Variants in PCSK5 observed in about 807,000 individuals in gnomAD.
The protein encoded by PCSK5 is proprotein convertase subtilisin/kexin type 5, also known as prohormone convertase 5.
Under a neutral mutation model 233.2 loss-of-function variants are expected in PCSK5, and 129 were observed. That is an observed-to-expected ratio of 0.55 (90% CI 0.48 to 0.64). The LOEUF is 0.64. Ranked by LOEUF, PCSK5 falls within the 30% of genes least tolerant of loss-of-function variation. The pLI, the probability that PCSK5 is intolerant of heterozygous loss-of-function variation, is 0.00. For missense variants in PCSK5, 2,076 were observed against 2,430.1 expected (o/e 0.85, Z 3.06); for synonymous variants, 825 against 879.2 (o/e 0.94, Z 1.09).
intron 7 of PCSK5, among the ~76,000 whole-genome samples, chr9:76,075,873 T>C (rs58996457): frequency 0.12 from 18,337 of 152,202 alleles, 1,712 homozygotes; most frequent in African/African-American, 0.26. Context: ...TTCTATATGC[T>C]GTAGATAAAG....
intron 10 of PCSK5, among the ~76,000 whole-genome samples, chr9:76,142,580 G>A (rs1823270904): frequency 6.6e-6 from 1 of 152,028 alleles, no homozygotes; most frequent in African/African-American, 2.4e-5. Context: ...TTCATAGTAT[G>A]TGCTTAAGTA....
At chr9:76,155,128 A>G (rs10781341) in intron 10 of PCSK5, among the ~76,000 whole-genome samples, 78,184 of 152,022 alleles carry the variant, frequency 0.51, 20,384 homozygotes, top group South Asian at 0.59. Context: ...CCATAGCAAA[A>G]TAGGTTTACT....
chr9:75,971,528 G>A (rs1825815306), intron 2 of PCSK5, among the ~76,000 whole-genome samples: 1 of 152,136 alleles, frequency 6.6e-6, no homozygotes, highest in African/African-American at 2.4e-5. Flanking sequence ...CACAATGGTT[G>A]AACTAATTTA....
At chr9:75,898,339 T>C (rs559316741) in intron 1 of PCSK5, among the ~76,000 whole-genome samples, 11 of 152,338 alleles carry the variant, frequency 7.2e-5, no homozygotes, top group African/African-American at 2.4e-4. Flanking sequence ...GTAGTGCTAA[T>C]GTCAGCTGTT....
At chr9:76,262,895 A>G (rs139249334) in intron 24 of PCSK5, among the ~76,000 whole-genome samples, 1,963 of 151,940 alleles carry the variant, frequency 0.013, 41 homozygotes, top group African/African-American at 0.045. Context: ...AAGGGCTAAT[A>G]TCCAGAATCT....
chr9:76,169,590 C>CTAG, intron 12 of PCSK5, 114 bp from the exon 13 acceptor site: 1 of 841,594 alleles, frequency 1.2e-6, no homozygotes. Context: ...CAGACCAGCT[C>CTAG]TAGTGCCCAG....
chr9:76,223,114 C>T (rs549778590), intron 20 of PCSK5, among the ~76,000 whole-genome samples: 2 of 152,314 alleles, frequency 1.3e-5, no homozygotes, highest in East Asian at 3.9e-4. Flanking sequence ...ACTGAATTCT[C>T]ATCAAATTCC....
intron 32 of PCSK5, among the ~76,000 whole-genome samples, chr9:76,327,470 T>C (rs2803436): frequency 0.043 from 6,603 of 152,316 alleles, 166 homozygotes; most frequent in South Asian, 0.075. Flanking sequence ...TATTTTCTTT[T>C]TTTAACAAAT....
At chr9:76,144,372 G>A (rs1331384) in intron 10 of PCSK5, among the ~76,000 whole-genome samples, 85,966 of 152,016 alleles carry the variant, frequency 0.57, 25,221 homozygotes, top group East Asian at 0.94. Context: ...GCATCTTAGA[G>A]GCCTAAAACT....
At chr9:76,106,976 T>C (rs1437056398) in intron 8 of PCSK5, among the ~76,000 whole-genome samples, 1 of 152,186 alleles carries the variant, frequency 6.6e-6, no homozygotes, top group Non-Finnish European at 1.5e-5. Context: ...AAGGAGGTAT[T>C]TGCATGATCT....
intron 2 of PCSK5, among the ~76,000 whole-genome samples, chr9:75,961,530 A>T (rs1399985114): frequency 6.6e-6 from 1 of 152,182 alleles, no homozygotes. Flanking sequence ...ATTAAATTGT[A>T]TTAACTTTAA....
intron 3 of PCSK5, among the ~76,000 whole-genome samples, chr9:76,000,513 C>T (rs547645775): frequency 2.0e-5 from 3 of 152,184 alleles, no homozygotes; most frequent in East Asian, 1.9e-4. Flanking sequence ...TTCATTTACT[C>T]GCTAGAATAT....
At chr9:75,909,997 A>G (rs1182656695) in intron 1 of PCSK5, among the ~76,000 whole-genome samples, 1 of 152,184 alleles carries the variant, frequency 6.6e-6, no homozygotes, top group Non-Finnish European at 1.5e-5. Flanking sequence ...CAGATGGTGG[A>G]TGCTTCATTA....
intron 24 of PCSK5, among the ~76,000 whole-genome samples, chr9:76,247,251 G>A (rs987565727): frequency 4.6e-5 from 7 of 152,174 alleles, no homozygotes; most frequent in South Asian, 2.1e-4. Context: ...GGACGCGAGC[G>A]AAACTTCAGC....
At chr9:76,156,588 T>G (rs534719334) in intron 10 of PCSK5, among the ~76,000 whole-genome samples, 1 of 152,344 alleles carries the variant, frequency 6.6e-6, no homozygotes, top group South Asian at 2.1e-4. Flanking sequence ...ATGAAAGCAG[T>G]GATGTCATCA....
intron 20 of PCSK5, chr9:76,205,216 C>G (rs1825065121): frequency 1.9e-6 from 1 of 518,984 alleles, no homozygotes; most frequent in Non-Finnish European, 3.8e-6. Flanking sequence ...CTGTCCCTTT[C>G]CGTATTCAAC....
At chr9:76,188,799 G>T (rs974219832) in intron 18 of PCSK5, 124 bp downstream of exon 18, 4 of 712,616 alleles carry the variant, frequency 5.6e-6, no homozygotes, top group Non-Finnish European at 9.5e-6. Flanking sequence ...TTTATTTCTC[G>T]TTTGATAATT....
intron 1 of PCSK5, among the ~76,000 whole-genome samples, chr9:75,921,604 T>G (rs1431852711): frequency 2.0e-5 from 3 of 151,972 alleles, no homozygotes; most frequent in Non-Finnish European, 4.4e-5. Flanking sequence ...GTATGGGAAA[T>G]GTGTGTCTTA....
intron 10 of PCSK5, among the ~76,000 whole-genome samples, chr9:76,138,227 T>G (rs1039504977): frequency 1.3e-5 from 2 of 152,002 alleles, no homozygotes; most frequent in Non-Finnish European, 2.9e-5. Flanking sequence ...TTACACTCCA[T>G]CTCTTTTTTT....
Sources: allele counts gnomAD v4.1 joint callset (sites outside exome capture counted in the v4.1 genomes callset), GRCh38; gene constraint gnomAD v4.1.1; transcripts MANE v1.5; gene names NCBI Gene and HGNC (gene_info 2026-07-23, HGNC 2026-07-21).